The following WDR7 variants were observed in gnomAD, a reference collection of about 807,000 sequenced individuals.
WDR7 encodes WD repeat domain 7.
WDR7 carries 46 observed loss-of-function variants against 169.4 expected under a neutral mutation model. The ratio of observed to expected loss-of-function variants is 0.27; its 90% CI spans 0.21 to 0.35. WDR7 has a LOEUF of 0.35. Ranked by LOEUF, WDR7 falls within the 10% of genes least tolerant of loss-of-function variation. The pLI, the probability that WDR7 is intolerant of heterozygous loss-of-function variation, is 1.00. For missense variants in WDR7, 1,534 were observed against 1,859.3 expected (o/e 0.83, Z 3.22); for synonymous variants, 612 against 666.8 (o/e 0.92, Z 1.27).
Position 56,938,412 on chromosome 18 carries a change from T to C in WDR7, c.3832-121T>C. 4 of 1,258,008 alleles carry C rather than the reference T, an allele frequency of 3.2e-6. No individual in the cohort carries two copies. The South Asian group carries it at 6.4e-5, about 20-fold the overall frequency. 77.9% of individuals were successfully genotyped at this position (1,258,008 alleles called of 1,614,324 possible). A position where few individuals can be genotyped will look rare whatever the true frequency, so the allele number is the denominator to read the frequency against. Reference sequence around the variant, plus strand: ...TGTTTTTGTAAACAAAAGTATTTTCTGACTCACCCACAAGAAGTTTATTTT... The same window carrying C: ...TGTTTTTGTAAACAAAAGTATTTTCCGACTCACCCACAAGAAGTTTATTTT... On this transcript the variant is annotated intron_variant, in intron 23 of 27. Coordinates refer to ENST00000254442, the MANE Select transcript of WDR7 (RefSeq NM_015285.3).
intron 21 of WDR7, among the ~76,000 whole-genome samples, chr18:56,902,651 T>C (rs950080004): frequency 6.6e-6 from 1 of 152,194 alleles, no homozygotes; most frequent in Non-Finnish European, 1.5e-5. Flanking sequence ...ATATTGGCTA[T>C]TTCACATGGC....
At chr18:56,659,036 A>G (rs1445759134) in intron 1 of WDR7, among the ~76,000 whole-genome samples, 1 of 152,178 alleles carries the variant, frequency 6.6e-6, no homozygotes, top group East Asian at 1.9e-4. Flanking sequence ...ACTTTTAAGA[A>G]ACAGTGTTGT....
At chr18:56,875,604 GC>G (rs1568242493) in intron 20 of WDR7, among the ~76,000 whole-genome samples, 1 of 152,088 alleles carries the variant, frequency 6.6e-6, no homozygotes, top group Non-Finnish European at 1.5e-5. Flanking sequence ...TAGAGTTCCA[GC>G]CAACTTAGCT....
At position 56,695,009 on chromosome 18, in the gene WDR7, C is replaced by A. The variant is rs758151746; in HGVS notation, c.1168C>A (p.Pro390Thr). 6 of 1,614,092 alleles carry A rather than the reference C, an allele frequency of 3.7e-6. No homozygotes were observed. Among genetic ancestry groups the A allele is most frequent in the Non-Finnish European group, 4.2e-6 (5 of 1,180,022 alleles). ...GGCATTTGATAAACTGAATCCTTGT[C>A]CTGCTGGAATTATAGATCAGCTGAG... is the stretch of plus-strand genomic sequence containing the variant. ...QEAFDKLNPC[P>T]AGIIDQLSVI... Residue 390 changes from proline (P) to threonine (T), a missense_variant, in exon 11 of 28, where the codon CCT becomes ACT. Coordinates refer to ENST00000254442, the MANE Select transcript of WDR7 (RefSeq NM_015285.3).
At chr18:56,735,933 G>A (rs894594426) in intron 14 of WDR7, among the ~76,000 whole-genome samples, 6 of 152,164 alleles carry the variant, frequency 3.9e-5, no homozygotes, top group African/African-American at 1.4e-4. Context: ...TCAGAAGATA[G>A]CATTGTTAAT....
At chr18:56,864,629 G>A (rs557870205) in intron 20 of WDR7, among the ~76,000 whole-genome samples, 60 of 151,404 alleles carry the variant, frequency 4.0e-4, no homozygotes, top group Admixed American at 6.6e-4. Context: ...TTAACCTCTC[G>A]GGTAATAGAA....
At chr18:56,859,110 A>T (rs1173489694) in intron 20 of WDR7, among the ~76,000 whole-genome samples, 1 of 152,104 alleles carries the variant, frequency 6.6e-6, no homozygotes, top group African/African-American at 2.4e-5. Flanking sequence ...CTGGGGTGAC[A>T]CTTCTGTTGT....
At chr18:56,717,721 A>T (rs555123063) in intron 12 of WDR7, among the ~76,000 whole-genome samples, 5 of 152,336 alleles carry the variant, frequency 3.3e-5, no homozygotes, top group Non-Finnish European at 7.3e-5. Flanking sequence ...TTTGAACAGC[A>T]GTTTTTCCAG....
At chr18:56,842,219 T>G (rs371481042) in intron 20 of WDR7, among the ~76,000 whole-genome samples, 70 of 152,152 alleles carry the variant, frequency 4.6e-4, no homozygotes, top group African/African-American at 1.6e-3. Context: ...GACTTATTTC[T>G]TGGTTCTGGA....
chr18:56,804,407 A>G (rs1258338801), intron 19 of WDR7, among the ~76,000 whole-genome samples: 4 of 152,224 alleles, frequency 2.6e-5, no homozygotes, highest in Admixed American at 2.0e-4. Context: ...AATTTAAAAT[A>G]TAGTTTCTAC....
intron 20 of WDR7, among the ~76,000 whole-genome samples, chr18:56,822,924 T>A (rs986604983): frequency 6.6e-6 from 1 of 152,050 alleles, no homozygotes; most frequent in East Asian, 1.9e-4. Flanking sequence ...TGTCCTTTTT[T>A]AAAAAAAATC....
At chr18:56,739,776 A>G (rs888473776) in intron 14 of WDR7, among the ~76,000 whole-genome samples, 1 of 151,088 alleles carries the variant, frequency 6.6e-6, no homozygotes, top group African/African-American at 2.4e-5. Flanking sequence ...GGAATAAGCT[A>G]TCATTCTTAT....
rs150604858 is a variant in WDR7 at position 56,928,129 on chromosome 18, A to T, written c.3713+4021A>T. The stretch of plus-strand genomic sequence containing the variant: ...CTATTTTTAGCTAATTTTATTTGTT[A>T]ATTTCTTGTAGAACTTAAACTGGGA... On this transcript the variant is annotated intron_variant, in intron 22 of 27. Coordinates refer to ENST00000254442, the MANE Select transcript of WDR7 (RefSeq NM_015285.3). 2.8e-4 allele frequency among the ~76,000 whole-genome samples: 42 copies of T among 152,286 alleles called. No individual in the cohort carries two copies. The East Asian group carries it at 7.2e-3, about 26-fold the overall frequency.
intron 20 of WDR7, among the ~76,000 whole-genome samples, chr18:56,859,770 A>G (rs1257603410): frequency 6.6e-6 from 1 of 152,202 alleles, no homozygotes. Flanking sequence ...TCTTTTGTTA[A>G]CACGTCTTAG....
chr18:57,000,683 TG>T (rs2047963802), intron 26 of WDR7, among the ~76,000 whole-genome samples: 1 of 152,150 alleles, frequency 6.6e-6, no homozygotes, highest in Non-Finnish European at 1.5e-5. Flanking sequence ...AGTGCATGAT[TG>T]TATTATTTTC....
intron 25 of WDR7, among the ~76,000 whole-genome samples, chr18:56,948,319 T>C (rs1463240872): frequency 6.6e-6 from 1 of 152,172 alleles, no homozygotes; most frequent in East Asian, 1.9e-4. Flanking sequence ...TCACTCACTT[T>C]TATTGTTTTA....
rs186973063 is a variant in WDR7, at chr18:57,007,806, G to A, written c.4165-12939G>A. 2.0e-4 allele frequency among the ~76,000 whole-genome samples: 30 copies of A among 152,182 alleles called. No homozygotes were observed. The East Asian group carries it at 2.3e-3, about 12-fold the overall frequency. On this transcript the variant is annotated intron_variant, in intron 26 of 27. Coordinates refer to ENST00000254442, the MANE Select transcript of WDR7 (RefSeq NM_015285.3). ...CCTTATACTGCTAGTGTCTCCTGTCGTTTTATCCTCATCCTTTTGGTCTTT... is the reference window on the plus strand; with the variant it reads ...CCTTATACTGCTAGTGTCTCCTGTCATTTTATCCTCATCCTTTTGGTCTTT...
chr18:56,689,961 G>A (rs2025529361), intron 7 of WDR7, among the ~76,000 whole-genome samples: 1 of 151,972 alleles, frequency 6.6e-6, no homozygotes, highest in Admixed American at 6.6e-5. Context: ...GCTAGGATGT[G>A]TTCTAACTTC....
At chr18:56,901,011 T>C (rs2046394041) in intron 21 of WDR7, among the ~76,000 whole-genome samples, 1 of 152,220 alleles carries the variant, frequency 6.6e-6, no homozygotes, top group Admixed American at 6.5e-5. Flanking sequence ...CTAACTGTTC[T>C]AGAAGGAATA....
Sources: allele counts gnomAD v4.1 joint callset (sites outside exome capture counted in the v4.1 genomes callset), GRCh38; gene constraint gnomAD v4.1.1; transcripts MANE v1.5; gene names NCBI Gene and HGNC (gene_info 2026-07-23, HGNC 2026-07-21).